MAMLD1: variants seen among roughly 807,000 people sequenced by gnomAD.
MAMLD1 encodes the protein mastermind like domain containing 1, also known as mastermind-like domain-containing protein 1.
A neutral mutation model predicts 45.0 loss-of-function variants in MAMLD1; 14 were observed. The observed-to-expected ratio is 0.31, with a 90% CI of 0.21 to 0.49. MAMLD1 has a LOEUF of 0.49. MAMLD1 is among the 20% of genes least tolerant of loss of function. The probability of loss-of-function intolerance (pLI) is 0.99; values close to 1 mark genes in which losing one functional copy is unlikely to be tolerated. For synonymous variants in MAMLD1, 254 were observed against 247.8 expected (o/e 1.02, Z -0.24); for missense variants, 543 against 603.6 (o/e 0.90, Z 1.05).
intron 1 of MAMLD1, among the ~76,000 whole-genome samples, chrX:150,420,520 T>G (rs2034453881): frequency 8.9e-6 from 1 of 111,952 alleles, no homozygotes; most frequent in Non-Finnish European, 1.9e-5. Flanking sequence ...GTGCTCTGCT[T>G]TTTAGAGTTT....
chrX:150,509,721 C>T (rs2037844384), intron 6 of MAMLD1: 1 of 398,115 alleles, frequency 2.5e-6, no homozygotes, highest in African/African-American at 2.5e-5. Flanking sequence ...TAAGTTCTGT[C>T]TCTCCTGCCC....
At chrX:150,454,416 G>T (rs2035773242) in intron 2 of MAMLD1, among the ~76,000 whole-genome samples, 1 of 111,556 alleles carries the variant, frequency 9.0e-6, no homozygotes. Flanking sequence ...GACATCTAAG[G>T]AACTTAGAAA....
At chrX:150,373,466 TCACACACACA>T (rs368567940) in intron 1 of MAMLD1, among the ~76,000 whole-genome samples, 38 of 103,187 alleles carry the variant, frequency 3.7e-4, no homozygotes, top group African/African-American at 1.3e-3. Flanking sequence ...TCTCTCTCTC[TCACACACACA>T]CACACACACA....
In MAMLD1 at chrX:150,494,999, A is replaced by G. The variant is rs1166532603; in HGVS notation, c.2041-8275A>G. On this transcript the variant is annotated intron_variant, in intron 5 of 7. Transcript: ENST00000370401. ...GGTAGGCAGATCACCTGAGGTCAGG[A>G]GTTCAAGACCAGCCTGGCCAACATG... is the stretch of plus-strand genomic sequence containing the variant. Among the ~76,000 whole-genome samples, 3 of 112,423 alleles carry G rather than the reference A, an allele frequency of 2.7e-5. No homozygotes were observed. In the Admixed American group the frequency reaches 2.8e-4, roughly 11 times the overall value.
At chrX:150,367,541 G>A (rs922709470) in intron 1 of MAMLD1, among the ~76,000 whole-genome samples, 13 of 111,791 alleles carry the variant, frequency 1.2e-4, no homozygotes, top group African/African-American at 3.6e-4. Context: ...CTTTAAAGGA[G>A]CCTCAATATA....
At chrX:150,438,369 A>C (rs2035188489) in intron 1 of MAMLD1, among the ~76,000 whole-genome samples, 1 of 112,284 alleles carries the variant, frequency 8.9e-6, no homozygotes, top group African/African-American at 3.2e-5. Flanking sequence ...TTGTCACTAT[A>C]TTTTTACAAA....
chrX:150,415,818 ATTTATCCT>A (rs1443809784), intron 1 of MAMLD1, among the ~76,000 whole-genome samples: 3 of 112,422 alleles, frequency 2.7e-5, no homozygotes, highest in Admixed American at 1.9e-4. Flanking sequence ...GGAGTTAAAT[ATTTATCCT>A]TGAAGGAATT....
At chrX:150,477,816 CA>C (rs1421205603) in intron 5 of MAMLD1, among the ~76,000 whole-genome samples, 1 of 111,741 alleles carries the variant, frequency 8.9e-6, no homozygotes, top group African/African-American at 3.3e-5. Flanking sequence ...GCAGCAGGCT[CA>C]GGGGTGCCTG....
At chrX:150,383,945 C>A (rs1424932259) in intron 1 of MAMLD1, among the ~76,000 whole-genome samples, 1 of 111,690 alleles carries the variant, frequency 9.0e-6, no homozygotes, top group African/African-American at 3.3e-5. Context: ...GTACTTCATT[C>A]CTTTTCTTTG....
At chrX:150,365,699 C>G (rs186550033) in intron 1 of MAMLD1, among the ~76,000 whole-genome samples, 1 of 112,195 alleles carries the variant, frequency 8.9e-6, no homozygotes, top group African/African-American at 3.2e-5. Context: ...CCCCACCACA[C>G]ACAAGGGCTC....
chrX:150,429,886 T>C (rs1273896717), intron 1 of MAMLD1, among the ~76,000 whole-genome samples: 2 of 110,790 alleles, frequency 1.8e-5, no homozygotes, highest in African/African-American at 3.3e-5. Context: ...GGTTTTAAAT[T>C]GCATTTCCCT....
At position 150,470,731 on chromosome X, in the gene MAMLD1, C is replaced by T. The variant is rs782728415; in HGVS notation, c.1158C>T (p.Ala386=). The change falls in exon 4 of 8, where the codon GCC becomes GCT. Residue 386 remains alanine, a synonymous_variant. Transcript: ENST00000370401. The stretch of plus-strand genomic sequence containing the variant: ...GCACTCTCCGAGGCTCTCCCAATGC[C>T]TTACTGTCAAGCATGACGTCCAGCA... ...SGSTLRGSPN[A]LLSSMTSSSN... is the part of the protein sequence containing the mutation. 2 of 1,210,514 alleles carry T rather than the reference C, an allele frequency of 1.7e-6. No homozygotes were observed. The highest frequency in any genetic ancestry group is 5.9e-5 in the East Asian group (2 of 33,789).
At chrX:150,484,498 T>G (rs1474455441) in intron 5 of MAMLD1, among the ~76,000 whole-genome samples, 1 of 112,293 alleles carries the variant, frequency 8.9e-6, no homozygotes, top group African/African-American at 3.2e-5. Flanking sequence ...AAGAGCAGCC[T>G]CTGGCAATGG....
intron 4 of MAMLD1, 40 bp from the exon 5 acceptor site, chrX:150,473,640 G>A: frequency 8.3e-7 from 1 of 1,206,039 alleles, no homozygotes; most frequent in South Asian, 1.8e-5. Flanking sequence ...TCGGGCCCTG[G>A]TCTGCAGTTC....
intron 1 of MAMLD1, among the ~76,000 whole-genome samples, chrX:150,417,906 A>G (rs1266471325): frequency 9.0e-6 from 1 of 111,397 alleles, no homozygotes; most frequent in Non-Finnish European, 1.9e-5. Flanking sequence ...GATTCTGGAT[A>G]TTAGCACTTT....
chrX:150,372,428 G>A (rs782769239), intron 1 of MAMLD1, among the ~76,000 whole-genome samples: 5 of 111,240 alleles, frequency 4.5e-5, no homozygotes, highest in Non-Finnish European at 5.7e-5. Context: ...CACCAGCCTC[G>A]GAATTTTAAG....
chrX:150,453,723 C>A (rs1164421452), intron 2 of MAMLD1, among the ~76,000 whole-genome samples: 3 of 111,690 alleles, frequency 2.7e-5, no homozygotes, highest in African/African-American at 9.8e-5. Context: ...TTCACGACTA[C>A]TTCCCTGGTG....
chrX:150,445,609 A>G lies in MAMLD1; in HGVS notation c.93A>G (p.Glu31=), dbSNP rs1557404756. The G allele has an allele frequency of 1.7e-6, 2 of 1,191,218 alleles. No homozygotes were observed. Residue 31 remains glutamate (E), a synonymous_variant, in exon 2 of 8, where the codon GAA becomes GAG. Transcript: ENST00000370401. ...GNRQEPRKLQ[E]SGKKPSWMEE... is the part of the protein sequence containing the mutation. ...GTCAGGAGCCCAGAAAGCTCCAGGA[A>G]TCGGTCAGACAATGGGCCATGGGGG...
At chrX:150,365,480 C>A (rs1237885420) in intron 1 of MAMLD1, among the ~76,000 whole-genome samples, 1 of 113,088 alleles carries the variant, frequency 8.8e-6, no homozygotes, top group Non-Finnish European at 1.9e-5. Context: ...GGTGGGCAGA[C>A]GCGACTCGCC....
Sources: allele counts gnomAD v4.1 joint callset (sites outside exome capture counted in the v4.1 genomes callset), GRCh38; gene constraint gnomAD v4.1.1; transcripts MANE v1.5; gene names NCBI Gene and HGNC (gene_info 2026-07-23, HGNC 2026-07-21).